The following PARP4 variants were observed in gnomAD, a reference collection of about 807,000 sequenced individuals.
PARP4 encodes the protein poly(ADP-ribose) polymerase family member 4.
PARP4 carries 120 observed loss-of-function variants against 187.7 expected under a neutral mutation model. The observed-to-expected ratio is 0.64, with a 90% confidence interval of 0.55 to 0.74. PARP4 has a LOEUF of 0.74. Among genes scored for constraint, PARP4 ranks in the 30% least tolerant of loss-of-function variants. The probability of loss-of-function intolerance (pLI) is 0.00; values close to 1 mark genes in which losing one functional copy is unlikely to be tolerated. For missense variants in PARP4, 1,836 were observed against 2,070.5 expected, an observed-to-expected ratio of 0.89 and a Z score of 2.20; for synonymous variants, 654 against 740.9, an observed-to-expected ratio of 0.88 and a Z score of 1.90.
intron 32 of PARP4, among the ~76,000 whole-genome samples, chr13:24,427,936 TATAATAA>T (rs1870140155): frequency 6.6e-6 from 1 of 152,086 alleles, no homozygotes; most frequent in South Asian, 2.1e-4. Flanking sequence ...CCAAGAATAA[TATAATAA>T]ATAATAAACT....
intron 24 of PARP4, among the ~76,000 whole-genome samples, chr13:24,451,710 C>T (rs1040124559): frequency 3.3e-5 from 5 of 152,180 alleles, no homozygotes; most frequent in African/African-American, 1.2e-4. Flanking sequence ...CAGAGGCAGG[C>T]AGGATGGGCA....
intron 15 of PARP4, among the ~76,000 whole-genome samples, chr13:24,472,691 C>T (rs1038871077): frequency 5.9e-5 from 9 of 152,160 alleles, no homozygotes; most frequent in African/African-American, 1.9e-4. Context: ...GAAACGCTGC[C>T]TTCCATCCTG....
rs779829316 is a variant in PARP4, at chr13:24,501,849, A to G, written c.133-15T>C. 6 of 1,492,916 alleles carry G rather than the reference A, an allele frequency of 4.0e-6. No homozygotes were observed. The highest frequency in any genetic ancestry group is 1.2e-5 in the South Asian group (1 of 86,626). 92.5% of individuals were successfully genotyped at this position (1,492,916 alleles called of 1,614,324 possible). ...ATATGTGTGCACTAAGGAAAAAAAG[A>G]GTCAATCCATTATGCATCAAGAAAA... On this transcript the variant is annotated splice_polypyrimidine_tract_variant and intron_variant, in intron 2 of 33. Transcript: ENST00000381989.
At chr13:24,459,546 C>T (rs969703708) in intron 18 of PARP4, 2 of 89,388 alleles carry the variant, frequency 2.2e-5, no homozygotes, top group African/African-American at 1.4e-4. Flanking sequence ...CACACACACA[C>T]GCACACACAC....
rs1868716689 is a variant in PARP4 at position 24,492,539 on chromosome 13, T to C, written c.935A>G (p.Glu312Gly). The change falls in exon 9 of 34, where the codon GAA becomes GGA. Residue 312 changes from glutamate to glycine, a missense_variant. This residue lies in a region of PARP4 where 1,147 missense variants were observed against 1,214.2 expected (regional missense o/e 0.94). Transcript: ENST00000381989. ...LLVKAALKNGETAEQLQKMMT... is the reference protein window; with the variant it reads ...LLVKAALKNGGTAEQLQKMMT... ...CATCTTTTGCAATTGCTCTGCTGTTTCTCCATTTTTCAGTGCTGCCTTTAC... is the reference window on the plus strand; with the variant it reads ...CATCTTTTGCAATTGCTCTGCTGTTCCTCCATTTTTCAGTGCTGCCTTTAC... 6.2e-7 allele frequency: 1 copy of C among 1,614,032 alleles called. No homozygotes were observed. Among genetic ancestry groups the C allele is most frequent in the East Asian group, 2.2e-5 (1 of 44,882 alleles).
intron 1 of PARP4, among the ~76,000 whole-genome samples, 185 bp downstream of exon 1, chr13:24,512,521 C>G (rs368820263): frequency 1.3e-5 from 2 of 152,198 alleles, no homozygotes; most frequent in East Asian, 3.9e-4. Context: ...ACCGCAATAT[C>G]CCTCCCCGAG....
intron 6 of PARP4, 70 bp downstream of exon 6, chr13:24,498,046 G>A (rs1237759465): frequency 1.2e-5 from 13 of 1,070,208 alleles, no homozygotes; most frequent in African/African-American, 3.1e-5. Flanking sequence ...TTGGGAGGTC[G>A]GCTGATTCAT....
At chr13:24,468,494 C>A (rs940995540) in intron 17 of PARP4, among the ~76,000 whole-genome samples, 18 of 151,526 alleles carry the variant, frequency 1.2e-4, no homozygotes, top group East Asian at 7.7e-4. Context: ...AACCTCTGCC[C>A]CCCAGGTTCA....
chr13:24,500,810 AG>A (rs1218853119), intron 3 of PARP4, among the ~76,000 whole-genome samples: 1 of 152,214 alleles, frequency 6.6e-6, no homozygotes, highest in Admixed American at 6.5e-5. Context: ...ACAGAGAAAC[AG>A]TAACACTATC....
chr13:24,443,030 A>C (rs1181764834), intron 28 of PARP4, among the ~76,000 whole-genome samples: 1 of 151,716 alleles, frequency 6.6e-6, no homozygotes, highest in African/African-American at 2.4e-5. Context: ...CTGCCAACCC[A>C]GCAGCATCTG....
At chr13:24,494,760 T>C (rs1371098565) in intron 6 of PARP4, 38 bp from the exon 7 acceptor site, 2 of 1,420,092 alleles carry the variant, frequency 1.4e-6, no homozygotes, top group Non-Finnish European at 1.9e-6. Context: ...ACAGTCATTA[T>C]TTACATATCT....
At chr13:24,422,031 A>G (rs1869772186) in intron 33 of PARP4, among the ~76,000 whole-genome samples, 1 of 152,200 alleles carries the variant, frequency 6.6e-6, no homozygotes, top group South Asian at 2.1e-4. Flanking sequence ...TAATATTTTG[A>G]AAATTCTCTC....
At chr13:24,505,789 C>G (rs1391780698) in intron 1 of PARP4, among the ~76,000 whole-genome samples, 1 of 152,192 alleles carries the variant, frequency 6.6e-6, no homozygotes, top group Admixed American at 6.5e-5. Context: ...CTAACAGGCT[C>G]CCCGCAAAGT....
At chr13:24,436,538 GC>G (rs2137444979) in intron 30 of PARP4, among the ~76,000 whole-genome samples, 1 of 152,282 alleles carries the variant, frequency 6.6e-6, no homozygotes, top group South Asian at 2.1e-4. Flanking sequence ...GAACTCCTGG[GC>G]TCAAGTGATC....
intron 14 of PARP4, among the ~76,000 whole-genome samples, chr13:24,475,816 A>T (rs1282148461): frequency 6.6e-6 from 1 of 150,610 alleles, no homozygotes; most frequent in Non-Finnish European, 1.5e-5. Context: ...ATAGCATGTC[A>T]CTCTGTCACC....
chr13:24,506,038 G>C (rs1869636155), intron 1 of PARP4, among the ~76,000 whole-genome samples: 1 of 152,158 alleles, frequency 6.6e-6, no homozygotes, highest in Non-Finnish European at 1.5e-5. Context: ...CCTACCTAGT[G>C]CTGTGTCTGG....
intron 30 of PARP4, among the ~76,000 whole-genome samples, chr13:24,437,139 A>G (rs1254623327): frequency 6.6e-6 from 1 of 152,200 alleles, no homozygotes; most frequent in Non-Finnish European, 1.5e-5. Flanking sequence ...TTTCAAGTCA[A>G]TAAGAGGAAA....
chr13:24,454,536 T>C (rs1871717610), intron 22 of PARP4, among the ~76,000 whole-genome samples: 1 of 152,222 alleles, frequency 6.6e-6, no homozygotes, highest in African/African-American at 2.4e-5. Context: ...CGATACTTCC[T>C]GAGACCATTC....
intron 12 of PARP4, among the ~76,000 whole-genome samples, chr13:24,483,023 T>TC (rs752730374): frequency 1.3e-5 from 2 of 151,834 alleles, no homozygotes; most frequent in South Asian, 4.1e-4. Context: ...TTTCTTCTTT[T>TC]CTTTTTTTTT....
Sources: allele counts gnomAD v4.1 joint callset (sites outside exome capture counted in the v4.1 genomes callset), GRCh38; gene constraint gnomAD v4.1.1; regional missense constraint gnomAD v4.1.1; transcripts MANE v1.5; gene names NCBI Gene and HGNC (gene_info 2026-07-23, HGNC 2026-07-21).